Variants in SCML4 observed in about 807,000 individuals in gnomAD.
SCML4 encodes sex comb on midleg-like protein 4.
SCML4 carries 34 observed loss-of-function variants against 41.1 expected under a neutral mutation model. The ratio of observed to expected loss-of-function variants is 0.83; its 90% CI spans 0.63 to 1.10. The LOEUF (loss-of-function observed/expected upper bound fraction) is 1.10, where lower values mean the gene tolerates loss of function less well. Among genes scored for constraint, SCML4 ranks in the 50% least tolerant of loss-of-function variants. The pLI, the probability that SCML4 is intolerant of heterozygous loss-of-function variation, is 0.00. For synonymous variants in SCML4, 214 were observed against 220.9 expected (o/e 0.97, Z 0.28); for missense variants, 522 against 534.1 (o/e 0.98, Z 0.22).
chr6:107,788,757 A>G (rs1782095882), intron 1 of SCML4, among the ~76,000 whole-genome samples: 1 of 152,194 alleles, frequency 6.6e-6, no homozygotes, highest in Non-Finnish European at 1.5e-5. Flanking sequence ...TGTCGCCATC[A>G]TTGTATGTAC....
chr6:107,772,099 G>T, intron 2 of SCML4, 73 bp downstream of exon 2: 1 of 1,306,540 alleles, frequency 7.7e-7, no homozygotes, highest in Non-Finnish European at 1.0e-6. Context: ...GTGGCATTTT[G>T]CAGTGCAGGT....
At chr6:107,744,634 GCAGAAACTTACTTGTTA>G (rs1337845283) in intron 5 of SCML4, among the ~76,000 whole-genome samples, 2 of 152,162 alleles carry the variant, frequency 1.3e-5, no homozygotes, top group Non-Finnish European at 2.9e-5. Context: ...AGAGGAGAGT[GCAGAAACTTACTTGTTA>G]CATATGATGT....
At chr6:107,734,920 G>A (rs1266482896) in intron 5 of SCML4, among the ~76,000 whole-genome samples, 3 of 151,994 alleles carry the variant, frequency 2.0e-5, no homozygotes, top group Non-Finnish European at 4.4e-5. Context: ...CTGTCACCTA[G>A]GCTGGAATGC....
intron 5 of SCML4, among the ~76,000 whole-genome samples, chr6:107,729,344 C>T (rs904834109): frequency 2.0e-5 from 3 of 152,134 alleles, no homozygotes; most frequent in Non-Finnish European, 2.9e-5. Flanking sequence ...CTGGAGACAG[C>T]GCTCCAATCT....
At chr6:107,822,739 T>C (rs576707993) in intron 1 of SCML4, among the ~76,000 whole-genome samples, 8 of 152,226 alleles carry the variant, frequency 5.3e-5, no homozygotes, top group Non-Finnish European at 1.0e-4. Context: ...TCAAAAAGCC[T>C]GTTTAAAAGT....
rs1172193773 is a variant in SCML4 at position 107,704,406 on chromosome 6, T to C, written c.*794A>G. On this transcript the variant is annotated 3_prime_UTR_variant, in exon 8 of 8. Coordinates refer to ENST00000369020, the MANE Select transcript of SCML4 (RefSeq NM_198081.5). ...GTATCAGTCAGTCAGTCAATAATGATTGGATACGAACTAGACCCCTCTAGC... is the reference window on the plus strand; with the variant it reads ...GTATCAGTCAGTCAGTCAATAATGACTGGATACGAACTAGACCCCTCTAGC... 1 of 152,186 alleles carries C rather than the reference T, an allele frequency of 6.6e-6. No individual in the cohort carries two copies. Among genetic ancestry groups the C allele is most frequent in the Non-Finnish European group, 1.5e-5 (1 of 68,048 alleles). The allele number at this position is 152,186 out of a possible 1,614,324, so 9.4% of individuals were successfully genotyped here. A position where few individuals can be genotyped will look rare whatever the true frequency, so the allele number is the denominator to read the frequency against.
the SCML4 span, among the ~76,000 whole-genome samples, chr6:107,845,040 A>G: frequency 6.6e-6 from 1 of 152,034 alleles, no homozygotes; most frequent in Admixed American, 6.5e-5. Flanking sequence ...GTTCAAGACC[A>G]GCCTGGCTAA....
In SCML4 at chr6:107,707,891, G is replaced by C; in HGVS notation, c.1094C>G (p.Pro365Arg). 1 of 1,551,734 alleles carries C rather than the reference G, an allele frequency of 6.4e-7. No individual in the cohort carries two copies. Among genetic ancestry groups the C allele is most frequent in the Non-Finnish European group, 8.7e-7 (1 of 1,147,006 alleles). Reference protein sequence around the residue: ...VKDADPQALGPHVELFRKHEI... With the variant: ...VKDADPQALGRHVELFRKHEI... The stretch of plus-strand genomic sequence containing the variant: ...GTGCTTTCTGAAGAGCTCCACGTGA[G>C]GCCCCAGAGCCTGTGGGTCGGCGTC... The change falls in exon 7 of 8, where the codon CCT becomes CGT. Residue 365 changes from proline to arginine, a missense_variant. Pro to Arg is a moderately radical substitution (Grantham distance 103). Transcript: ENST00000369020.
Position 107,702,973 on chromosome 6 carries a change from A to G in SCML4, c.*2227T>C, listed in dbSNP as rs1160846070. 6.6e-6 allele frequency among the ~76,000 whole-genome samples: 1 copy of G among 152,094 alleles called. No homozygotes were observed. The highest frequency in any genetic ancestry group is 2.4e-5 in the African/African-American group (1 of 41,384). ...GGTTGCAGTAAAGAAGTTGGCTAAA[A>G]CCCACCAAAACCAAGATGGCAACGA... On this transcript the variant is annotated 3_prime_UTR_variant, in exon 8 of 8. Coordinates refer to ENST00000369020, the MANE Select transcript of SCML4 (RefSeq NM_198081.5).
the SCML4 span, among the ~76,000 whole-genome samples, chr6:107,835,329 C>T: frequency 1.3e-5 from 2 of 151,674 alleles, no homozygotes; most frequent in Non-Finnish European, 2.9e-5. Context: ...CCACTCCACT[C>T]CAGCCCTGGT....
At chr6:107,705,644 A>T (rs1237319468) in intron 7 of SCML4, among the ~76,000 whole-genome samples, 1 of 152,088 alleles carries the variant, frequency 6.6e-6, no homozygotes, top group Non-Finnish European at 1.5e-5. Context: ...TCCTCATCCA[A>T]ACTTGGCTAA....
At chr6:107,831,939 T>C in the SCML4 span, among the ~76,000 whole-genome samples, 32 of 152,026 alleles carry the variant, frequency 2.1e-4, no homozygotes, top group Admixed American at 1.8e-3. Context: ...GGCGCATGCC[T>C]GTAGTCCTAG....
chr6:107,817,103 A>AT (rs912021872), intron 1 of SCML4, among the ~76,000 whole-genome samples: 50 of 150,994 alleles, frequency 3.3e-4, no homozygotes, highest in African/African-American at 1.1e-3. Flanking sequence ...GTCCAATGGA[A>AT]TTTTTTTTTT....
intron 3 of SCML4, among the ~76,000 whole-genome samples, chr6:107,749,007 G>T (rs889850050): frequency 6.6e-6 from 1 of 152,212 alleles, no homozygotes; most frequent in African/African-American, 2.4e-5. Flanking sequence ...GCAGGGCCTT[G>T]TCGGCCAGAT....
intron 5 of SCML4, among the ~76,000 whole-genome samples, chr6:107,726,147 C>T (rs1414427389): frequency 6.6e-6 from 1 of 150,904 alleles, no homozygotes; most frequent in African/African-American, 2.4e-5. Context: ...AAAATACCTG[C>T]AAATTATATA....
chr6:107,835,160 A>G, the SCML4 span, among the ~76,000 whole-genome samples: 60 of 152,274 alleles, frequency 3.9e-4, no homozygotes, highest in African/African-American at 1.4e-3. Flanking sequence ...CAGGAGTTCA[A>G]GACCAGCTTG....
chr6:107,787,540 C>T (rs969497302), intron 1 of SCML4, among the ~76,000 whole-genome samples: 1 of 152,170 alleles, frequency 6.6e-6, no homozygotes, highest in Non-Finnish European at 1.5e-5. Flanking sequence ...TTTGAGAAAG[C>T]GCTGGTGGTT....
the SCML4 span, among the ~76,000 whole-genome samples, chr6:107,839,365 GA>G: frequency 3.9e-5 from 1 of 25,510 alleles, no homozygotes; most frequent in African/African-American, 2.1e-4. Context: ...AAGAAAGAAA[GA>G]AGGAAAGAAA....
chr6:107,721,153 T>C (rs1279189029), intron 5 of SCML4, among the ~76,000 whole-genome samples, 160 bp from the exon 6 acceptor site: 2 of 152,180 alleles, frequency 1.3e-5, no homozygotes, highest in East Asian at 3.9e-4. Context: ...CCAAATAGCA[T>C]ACCTGTCAGC....
Sources: gnomAD v4.1 joint callset for allele counts (sites outside exome capture counted in the v4.1 genomes callset) on GRCh38, gnomAD v4.1.1 for gene constraint, MANE v1.5 for transcripts, NCBI Gene and HGNC (gene_info 2026-07-23, HGNC 2026-07-21) for gene names.